The following ZNF33A variants were observed in gnomAD, a reference collection of about 807,000 sequenced individuals.
ZNF33A encodes zinc finger protein 33A, also known as brain my041 protein.
Under a neutral mutation model 15.9 loss-of-function variants are expected in ZNF33A, and 9 were observed. That is an observed-to-expected ratio of 0.57 (90% CI 0.34 to 0.99). ZNF33A has a LOEUF of 0.99. Ranked by LOEUF, ZNF33A falls within the 50% of genes least tolerant of loss-of-function variation. The pLI is 0.02. For synonymous variants in ZNF33A, 294 were observed against 324.2 expected (o/e 0.91, Z 1.00); for missense variants, 843 against 941.6 (o/e 0.90, Z 1.37).
At chr10:38,016,387 G>A (rs1171419578) in intron 2 of ZNF33A, among the ~76,000 whole-genome samples, 1 of 152,120 alleles carries the variant, frequency 6.6e-6, no homozygotes, top group African/African-American at 2.4e-5. Context: ...TGTGCTGTCT[G>A]CCATTTTGTT....
intron 2 of ZNF33A, chr10:38,016,077 A>G (rs2064438695): frequency 2.2e-5 from 25 of 1,118,654 alleles, no homozygotes; most frequent in Non-Finnish European, 2.8e-5. Context: ...AAATCTTTCC[A>G]TTTTCTACAC....
downstream of ZNF33A, chr10:38,063,940 G>C (rs2066685068): frequency 1.6e-6 from 1 of 639,062 alleles, no homozygotes; most frequent in Non-Finnish European, 2.6e-6. Flanking sequence ...ATTCAGCAAA[G>C]GTATCCACTG....
intron 1 of ZNF33A, 57 bp downstream of exon 1, chr10:38,010,840 C>T (rs1411375875): frequency 1.9e-4 from 299 of 1,581,294 alleles, no homozygotes; most frequent in Middle Eastern, 6.7e-4. Context: ...ACTCCTGGGG[C>T]GGGCGGCAGG....
rs769958818 is a variant in ZNF33A, at chr10:38,060,013, A to G, written c.*3453A>G. ...CTTTCTGTAACCCTAAAGCTACTCT[A>G]AAAAATGAAGTGTATCAAGTAAATA... is the stretch of plus-strand genomic sequence containing the variant. On this transcript the variant is annotated 3_prime_UTR_variant, in exon 5 of 5. Transcript: ENST00000432900. The G allele has an allele frequency of 1.2e-4, 116 of 979,696 alleles. No homozygotes were observed. Among genetic ancestry groups the G allele is most frequent in the Non-Finnish European group, 1.4e-4 (113 of 824,790 alleles). The allele number at this position is 979,696 out of a possible 1,614,324, so 60.7% of individuals were successfully genotyped here. A position where few individuals can be genotyped will look rare whatever the true frequency, so the allele number is the denominator to read the frequency against.
chr10:38,055,876 T>C lies in ZNF33A; in HGVS notation c.1752T>C (p.His584=), dbSNP rs1356023834. 6.2e-7 allele frequency: 1 copy of C among 1,614,006 alleles called. No homozygotes were observed. The highest frequency in any genetic ancestry group is 1.1e-5 in the South Asian group (1 of 91,080). Residue 584 remains histidine, a synonymous_variant, in exon 5 of 5, where the codon CAT becomes CAC. Coordinates refer to ENST00000432900, the MANE Select transcript of ZNF33A (RefSeq NM_006954.2). The part of the protein sequence containing the change: ...THTGEKPYEC[H]ECGKIFYNKS... Reference sequence around the variant, plus strand: ...CAGGGGAGAAACCCTACGAATGTCATGAATGTGGAAAAATCTTTTACAATA... The same window carrying C: ...CAGGGGAGAAACCCTACGAATGTCACGAATGTGGAAAAATCTTTTACAATA...
intron 2 of ZNF33A, chr10:38,016,030 G>A (rs957453791): frequency 2.7e-5 from 33 of 1,230,304 alleles, no homozygotes; most frequent in East Asian, 3.2e-5. Flanking sequence ...TGTCTTCTCC[G>A]CTGTACTCCA....
At chr10:38,012,137 A>G (rs1021703593) in intron 1 of ZNF33A, among the ~76,000 whole-genome samples, 161 bp from the exon 2 acceptor site, 1 of 152,098 alleles carries the variant, frequency 6.6e-6, no homozygotes, top group African/African-American at 2.4e-5. Context: ...GTGTTCTTCC[A>G]CCATTTCTAC....
chr10:38,054,976 ATG>A lies in ZNF33A; in HGVS notation c.857_858del (p.Val286GlufsTer6). The A allele has an allele frequency of 6.2e-7, 1 of 1,614,128 alleles. No individual in the cohort carries two copies. On this transcript the variant is annotated frameshift_variant, in exon 5 of 5. Transcript: ENST00000432900. LOFTEE classifies it low-confidence loss of function (END_TRUNC). ...AATTTAGTGATTGTGAGAAGTTCTT[ATG>A]TGTGAAGTCCACCCTTTCTAAACCT... ...YEFSDCEKFL[C>X]VKSTLSKPHG...
chr10:38,065,820 C>T (rs1209597436), downstream of ZNF33A, among the ~76,000 whole-genome samples: 2 of 152,018 alleles, frequency 1.3e-5, no homozygotes, highest in African/African-American at 2.4e-5. Context: ...AAGCAATTCT[C>T]CTGTCTCAGC....
Position 38,055,603 on chromosome 10 carries a change from A to G in ZNF33A, c.1479A>G (p.Gly493=). The part of the protein sequence containing the change: ...NLTQHQRIHI[G]DKSYECNACG... Reference sequence around the variant, plus strand: ...CACAGCATCAGAGAATTCACATAGGAGATAAATCTTATGAATGTAATGCAT... The same window carrying G: ...CACAGCATCAGAGAATTCACATAGGGGATAAATCTTATGAATGTAATGCAT... The change falls in exon 5 of 5, where the codon GGA becomes GGG. Residue 493 remains glycine (G), a synonymous_variant. Coordinates refer to ENST00000432900, the MANE Select transcript of ZNF33A (RefSeq NM_006954.2). The G allele has an allele frequency of 6.2e-7, 1 of 1,614,058 alleles. No homozygotes were observed. Among genetic ancestry groups the G allele is most frequent in the Non-Finnish European group, 8.5e-7 (1 of 1,179,994 alleles).
At chr10:38,046,520 A>G (rs529507717) in intron 4 of ZNF33A, among the ~76,000 whole-genome samples, 2 of 152,296 alleles carry the variant, frequency 1.3e-5, no homozygotes, top group East Asian at 1.9e-4. Context: ...ATTGTTTCCA[A>G]GTGACTTAAG....
upstream of ZNF33A, chr10:38,010,669 G>C (rs367655002): frequency 1.2e-5 from 19 of 1,582,810 alleles, no homozygotes; most frequent in South Asian, 5.5e-5. Flanking sequence ...CGCCGGCTAC[G>C]TCTGCGTTTC....
intron 2 of ZNF33A, among the ~76,000 whole-genome samples, chr10:38,014,998 G>A (rs927310686): frequency 2.6e-5 from 4 of 151,888 alleles, no homozygotes; most frequent in South Asian, 2.1e-4. Flanking sequence ...TCAGCCTCCC[G>A]AGGAATTGGA....
downstream of ZNF33A, among the ~76,000 whole-genome samples, chr10:38,061,632 C>T (rs1425995679): frequency 6.6e-6 from 1 of 152,046 alleles, no homozygotes; most frequent in Non-Finnish European, 1.5e-5. Flanking sequence ...AGTGTTTGTG[C>T]CCCCTCCAAA....
At chr10:38,060,604 G>A (rs1371901609), downstream of ZNF33A, among the ~76,000 whole-genome samples, 2 of 152,154 alleles carry the variant, frequency 1.3e-5, no homozygotes, top group Admixed American at 6.5e-5. Context: ...AGTGTCAGGC[G>A]TTCAGTGTTC....
intron 4 of ZNF33A, 126 bp downstream of exon 4, chr10:38,017,512 G>A (rs1465527545): frequency 1.6e-6 from 1 of 633,626 alleles, no homozygotes; most frequent in Admixed American, 2.6e-5. Context: ...ACCTCTGGAA[G>A]TGATGGAGAA....
chr10:38,026,255 G>A (rs187531281), intron 4 of ZNF33A, among the ~76,000 whole-genome samples: 1 of 110,254 alleles, frequency 9.1e-6, no homozygotes, highest in Admixed American at 1.1e-4. Flanking sequence ...AAACCTAGGA[G>A]TAGAATTCTT....
In ZNF33A at chr10:38,056,748, G is replaced by A. The variant is rs528301065; in HGVS notation, c.*188G>A. The A allele has an allele frequency of 2.4e-6, 3 of 1,243,786 alleles. No homozygotes were observed. The highest frequency in any genetic ancestry group is 7.3e-5 in the South Asian group (2 of 27,282). 77.0% of individuals were successfully genotyped at this position (1,243,786 alleles called of 1,614,324 possible). A position where few individuals can be genotyped will look rare whatever the true frequency, so the allele number is the denominator to read the frequency against. On this transcript the variant is annotated 3_prime_UTR_variant, in exon 5 of 5. Transcript: ENST00000432900. Reference sequence around the variant, plus strand: ...AGTTTTTGGCAAAAATGCAAATAAGGTTATGTTAGAATTTACACTGAGGAG... The same window carrying A: ...AGTTTTTGGCAAAAATGCAAATAAGATTATGTTAGAATTTACACTGAGGAG...
chr10:38,010,633 C>T (rs373809610), upstream of ZNF33A: 7 of 1,392,184 alleles, frequency 5.0e-6, no homozygotes, highest in South Asian at 1.1e-5. Flanking sequence ...TCAAGCTGTG[C>T]GCGTGGGCTC....
Sources: gnomAD v4.1 joint callset for allele counts (sites outside exome capture counted in the v4.1 genomes callset) on GRCh38, gnomAD v4.1.1 for gene constraint, MANE v1.5 for transcripts, NCBI Gene and HGNC (gene_info 2026-07-23, HGNC 2026-07-21) for gene names.